The following MYZAP variants were observed in gnomAD, a reference collection of about 807,000 sequenced individuals.
The protein encoded by MYZAP is GRINL1A complex locus upstream.
MYZAP carries 66 observed loss-of-function variants against 69.4 expected under a neutral mutation model. The observed-to-expected ratio is 0.95, with a 90% CI of 0.78 to 1.17. MYZAP has a LOEUF of 1.17. MYZAP is among the 50% of genes most tolerant of loss of function. The probability of loss-of-function intolerance (pLI) is 0.00; values close to 1 mark genes in which losing one functional copy is unlikely to be tolerated. For missense variants in MYZAP, 611 were observed against 556.2 expected (o/e 1.10, Z -0.99); for synonymous variants, 256 against 205.9 (o/e 1.24, Z -2.09).
intron 10 of MYZAP, among the ~76,000 whole-genome samples, chr15:57,641,552 C>T (rs1286663770): frequency 4.6e-5 from 7 of 152,072 alleles, no homozygotes; most frequent in African/African-American, 1.2e-4. Flanking sequence ...AAGGCCCAGT[C>T]GTTGGAAAGA....
At chr15:57,623,440 T>A (rs1196309972) in intron 4 of MYZAP, among the ~76,000 whole-genome samples, 1 of 152,068 alleles carries the variant, frequency 6.6e-6, no homozygotes, top group African/African-American at 2.4e-5. Flanking sequence ...GTCTATCAAG[T>A]AGAGGAAAGT....
At position 57,673,591 on chromosome 15, in the gene MYZAP, A is replaced by G. The variant is rs376705785; in HGVS notation, c.1204-1377A>G. 6.6e-5 allele frequency among the ~76,000 whole-genome samples: 10 copies of G among 151,778 alleles called. No individual in the cohort carries two copies. The South Asian group carries it at 1.3e-3, about 19-fold the overall frequency. On this transcript the variant is annotated intron_variant, in intron 11 of 12. Transcript: ENST00000267853. ...TAGATTCAGAACCCATCGATCTGTC[A>G]TAGCATGTCATCTACTAAGGAATCT...
At chr15:57,622,026 G>A (rs1373593784) in intron 4 of MYZAP, among the ~76,000 whole-genome samples, 1 of 152,062 alleles carries the variant, frequency 6.6e-6, no homozygotes, top group South Asian at 2.1e-4. Flanking sequence ...TTTAAACATG[G>A]CATAGGTAGA....
chr15:57,660,654 T>G (rs1161347282), intron 10 of MYZAP, among the ~76,000 whole-genome samples: 5 of 152,118 alleles, frequency 3.3e-5, no homozygotes, highest in African/African-American at 7.2e-5. Flanking sequence ...AGCACACAAA[T>G]TTAATATACA....
Position 57,684,447 on chromosome 15 carries a change from C to G in MYZAP, c.1350C>G (p.Tyr450Ter), listed in dbSNP as rs2039596135. 1 of 1,613,446 alleles carries G rather than the reference C, an allele frequency of 6.2e-7. No homozygotes were observed. Among genetic ancestry groups the G allele is most frequent in the African/African-American group, 1.3e-5 (1 of 74,894 alleles). Residue 450 changes from tyrosine to a stop codon, truncating the protein, a stop_gained, in exon 13 of 13, where the codon TAC (tyrosine) becomes TAG (stop). Coordinates refer to ENST00000267853, the MANE Select transcript of MYZAP (RefSeq NM_001018100.5). LOFTEE classifies it high-confidence loss of function. ...TREIVMPSRN[Y>*]TPYTRVLELT... ...AAATTGTGATGCCTTCTAGGAACTACACCCCATACACAAGAGTCCTGGAGT... is the reference window on the plus strand; with the variant it reads ...AAATTGTGATGCCTTCTAGGAACTAGACCCCATACACAAGAGTCCTGGAGT...
intron 3 of MYZAP, among the ~76,000 whole-genome samples, chr15:57,620,560 G>A (rs2035743284): frequency 6.6e-6 from 1 of 152,218 alleles, no homozygotes; most frequent in Non-Finnish European, 1.5e-5. Flanking sequence ...CCCTCTGAAA[G>A]TAGTACTGTA....
chr15:57,652,328 A>G (rs2037768689), intron 10 of MYZAP, among the ~76,000 whole-genome samples: 1 of 152,106 alleles, frequency 6.6e-6, no homozygotes, highest in African/African-American at 2.4e-5. Flanking sequence ...TTCATGCTGC[A>G]TTAGTGCAGG....
Position 57,646,382 on chromosome 15 carries a change from G to C in MYZAP, c.1119+6837G>C. The C allele has an allele frequency of 2.6e-6, 3 of 1,166,134 alleles. No individual in the cohort carries two copies. The South Asian group carries it at 5.3e-5, about 20-fold the overall frequency. 72.2% of individuals were successfully genotyped at this position (1,166,134 alleles called of 1,614,324 possible). A position where few individuals can be genotyped will look rare whatever the true frequency, so the allele number is the denominator to read the frequency against. On this transcript the variant is annotated intron_variant, in intron 10 of 12. Coordinates refer to ENST00000267853, the MANE Select transcript of MYZAP (RefSeq NM_001018100.5). ...TTGTTTGTGAAAACACCCACATACT[G>C]TCACCCTGACTTGTACAGCCTCAAA...
At chr15:57,598,514 A>G (rs1238410458) in intron 1 of MYZAP, among the ~76,000 whole-genome samples, 7 of 152,220 alleles carry the variant, frequency 4.6e-5, no homozygotes, top group Non-Finnish European at 8.8e-5. Flanking sequence ...GTGACGGTAC[A>G]AAGCTTACTT....
In MYZAP at chr15:57,684,434, C is replaced by T; in HGVS notation, c.1337C>T (p.Pro446Leu). The T allele has an allele frequency of 1.2e-6, 2 of 1,613,452 alleles. No homozygotes were observed. The highest frequency in any genetic ancestry group is 1.3e-5 in the African/African-American group (1 of 74,990). Residue 446 changes from proline to leucine, a missense_variant, in exon 13 of 13, where the codon CCT becomes CTT. Transcript: ENST00000267853. ...GGCAGGACTCGTGAAATTGTGATGCCTTCTAGGAACTACACCCCATACACA... is the reference window on the plus strand; with the variant it reads ...GGCAGGACTCGTGAAATTGTGATGCTTTCTAGGAACTACACCCCATACACA... Reference protein sequence around the residue: ...QTGRTREIVMPSRNYTPYTRV... With the variant: ...QTGRTREIVMLSRNYTPYTRV...
chr15:57,616,262 C>T (rs553906000), intron 2 of MYZAP, among the ~76,000 whole-genome samples: 71 of 152,316 alleles, frequency 4.7e-4, no homozygotes, highest in Admixed American at 9.1e-4. Context: ...TGCTTGTAAT[C>T]CCAGCACTTT....
At chr15:57,637,862 T>A (rs754768062) in intron 9 of MYZAP, 88 bp downstream of exon 9, 10 of 1,353,458 alleles carry the variant, frequency 7.4e-6, no homozygotes, top group Non-Finnish European at 1.0e-5. Context: ...TACATTTTCA[T>A]TTGTGTGGTT....
chr15:57,658,498 G>C (rs1331177165), intron 10 of MYZAP, among the ~76,000 whole-genome samples: 1 of 152,108 alleles, frequency 6.6e-6, no homozygotes, highest in African/African-American at 2.4e-5. Flanking sequence ...TCCTAATCTA[G>C]AGCATTGCTG....
intron 10 of MYZAP, among the ~76,000 whole-genome samples, chr15:57,658,940 G>T (rs1479065251): frequency 6.6e-6 from 1 of 151,992 alleles, no homozygotes; most frequent in East Asian, 1.9e-4. Context: ...GTAAAACTAG[G>T]GCTTTTTAGA....
At chr15:57,605,096 AC>A (rs578154462) in intron 2 of MYZAP, among the ~76,000 whole-genome samples, 76 of 152,186 alleles carry the variant, frequency 5.0e-4, no homozygotes, top group African/African-American at 1.8e-3. Context: ...GTCCTGGCCG[AC>A]CCATTTTACT....
At chr15:57,639,310 G>T (rs968358101) in intron 9 of MYZAP, 130 bp from the exon 10 acceptor site, 5 of 957,962 alleles carry the variant, frequency 5.2e-6, no homozygotes, top group African/African-American at 1.6e-5. Context: ...GCCTCTTGAA[G>T]TGTTGGGATT....
chr15:57,635,014 C>G (rs1381805784), intron 8 of MYZAP, among the ~76,000 whole-genome samples: 2 of 152,088 alleles, frequency 1.3e-5, no homozygotes, highest in Non-Finnish European at 2.9e-5. Flanking sequence ...GGTTTTTCTG[C>G]AGCGTAAAGA....
intron 12 of MYZAP, among the ~76,000 whole-genome samples, chr15:57,680,139 C>T (rs1221779829): frequency 2.0e-5 from 3 of 152,174 alleles, no homozygotes; most frequent in South Asian, 4.1e-4. Flanking sequence ...CCCGCCTTTT[C>T]ATATTTCTGT....
At position 57,663,273 on chromosome 15, in the gene MYZAP, A is replaced by C. The variant is rs539638517; in HGVS notation, c.1203+1740A>C. 3.3e-5 allele frequency among the ~76,000 whole-genome samples: 5 copies of C among 151,964 alleles called. No homozygotes were observed. In the South Asian group the frequency reaches 1.0e-3, roughly 32 times the overall value. ...CTACTGGTAGATTCTTAAATGTCCA[A>C]GGGAATATTGCACATGGGGAGTAAT... On this transcript the variant is annotated intron_variant, in intron 11 of 12. Coordinates refer to ENST00000267853, the MANE Select transcript of MYZAP (RefSeq NM_001018100.5).
Sources: gnomAD v4.1 joint callset for allele counts (sites outside exome capture counted in the v4.1 genomes callset) on GRCh38, gnomAD v4.1.1 for gene constraint, MANE v1.5 for transcripts, NCBI Gene and HGNC (gene_info 2026-07-23, HGNC 2026-07-21) for gene names.